MICAL2: variants seen among roughly 807,000 people sequenced by gnomAD.
MICAL2 encodes the protein microtubule associated monooxygenase, calponin and LIM domain containing 2.
A neutral mutation model predicts 127.3 loss-of-function variants in MICAL2; 77 were observed. The observed-to-expected ratio is 0.60, with a 90% confidence interval of 0.50 to 0.73. MICAL2 has a LOEUF of 0.73. Among genes scored for constraint, MICAL2 ranks in the 30% least tolerant of loss-of-function variants. The pLI is 0.00. For missense variants in MICAL2, 1,351 were observed against 1,434.4 expected, an observed-to-expected ratio of 0.94 and a Z score of 0.94; for synonymous variants, 570 against 551.1, an observed-to-expected ratio of 1.03 and a Z score of -0.48.
intron 22 of MICAL2, 140 bp downstream of exon 22, chr11:12,249,386 CAT>C (rs1188641873): frequency 1.6e-5 from 10 of 615,938 alleles, no homozygotes; most frequent in South Asian, 6.0e-5. Flanking sequence ...GGTGGGCAGA[CAT>C]GTGCTTGTAC....
In MICAL2 at chr11:12,332,260, G is replaced by A. The variant is rs151193230; in HGVS notation, c.5515+4994G>A. Among the ~76,000 whole-genome samples the A allele has an allele frequency of 2.0e-5, 3 of 152,310 alleles. No homozygotes were observed. The East Asian group carries it at 5.8e-4, about 29-fold the overall frequency. On this transcript the variant is annotated intron_variant, in intron 32 of 34. Coordinates refer to the MICAL2 transcript ENST00000646065. ...ACTTGAAGGCAGTGAGTTAAAGGTTGTACCCTTTCATCCATCATTAGACAT... is the reference window on the plus strand; with the variant it reads ...ACTTGAAGGCAGTGAGTTAAAGGTTATACCCTTTCATCCATCATTAGACAT...
intron 3 of MICAL2, among the ~76,000 whole-genome samples, chr11:12,200,261 G>A (rs901075065): frequency 1.3e-5 from 2 of 152,202 alleles, no homozygotes; most frequent in Admixed American, 1.3e-4. Flanking sequence ...CGGGGCAGGA[G>A]CTTAAAATCT....
intron 32 of MICAL2, among the ~76,000 whole-genome samples, chr11:12,344,890 C>T (rs920213992): frequency 1.4e-4 from 21 of 151,452 alleles, no homozygotes; most frequent in Non-Finnish European, 2.5e-4. Flanking sequence ...GGGCAGATCA[C>T]AAGGCAGGAT....
chr11:12,166,260 A>G (rs1473581181), intron 3 of MICAL2, among the ~76,000 whole-genome samples: 2 of 152,198 alleles, frequency 1.3e-5, no homozygotes, highest in East Asian at 3.8e-4. Context: ...AGCTGAAGAG[A>G]GTGGCATTAC....
At chr11:12,130,225 G>A (rs954205530) in intron 1 of MICAL2, among the ~76,000 whole-genome samples, 4 of 152,208 alleles carry the variant, frequency 2.6e-5, no homozygotes, top group Non-Finnish European at 4.4e-5. Flanking sequence ...GTAGCTTGAA[G>A]CATTTGCAGT....
intron 3 of MICAL2, among the ~76,000 whole-genome samples, chr11:12,199,630 C>T (rs968997390): frequency 6.6e-6 from 1 of 152,150 alleles, no homozygotes; most frequent in African/African-American, 2.4e-5. Context: ...TGCACCATGT[C>T]AAGAAGTGGG....
intron 32 of MICAL2, among the ~76,000 whole-genome samples, chr11:12,346,060 C>T (rs1229228107): frequency 3.3e-5 from 5 of 151,872 alleles, no homozygotes; most frequent in Non-Finnish European, 4.4e-5. Flanking sequence ...CAGTGGTTAG[C>T]GGCCAACCCA....
chr11:12,324,133 G>A, intron 31 of MICAL2: 3 of 1,564,652 alleles, frequency 1.9e-6, no homozygotes, highest in Non-Finnish European at 2.6e-6. Flanking sequence ...ACTCTGGATG[G>A]GAAAGAGTTT....
chr11:12,114,770 C>T (rs1367122800), intron 1 of MICAL2, among the ~76,000 whole-genome samples: 1 of 152,290 alleles, frequency 6.6e-6, no homozygotes, highest in Non-Finnish European at 1.5e-5. Context: ...TGGACGTTTC[C>T]TCAGCACGCG....
At chr11:12,292,415 C>A, downstream of MICAL2, 3 of 1,118,120 alleles carry the variant, frequency 2.7e-6, no homozygotes, top group Non-Finnish European at 3.9e-6. Context: ...AGTGCAAAGC[C>A]AGCGCCAGAA....
At chr11:12,306,677 C>T (rs1259425491) in intron 29 of MICAL2, among the ~76,000 whole-genome samples, 1 of 152,130 alleles carries the variant, frequency 6.6e-6, no homozygotes, top group African/African-American at 2.4e-5. Flanking sequence ...AATAGTGTCG[C>T]CTTTCCTAGA....
At chr11:12,304,623 G>A (rs907367997) in intron 29 of MICAL2, among the ~76,000 whole-genome samples, 6 of 148,934 alleles carry the variant, frequency 4.0e-5, no homozygotes, top group Non-Finnish European at 5.9e-5. Context: ...CAACAAGAGC[G>A]AAACTCTGTC....
intron 30 of MICAL2, among the ~76,000 whole-genome samples, chr11:12,320,807 G>C (rs180718991): frequency 2.3e-4 from 35 of 152,180 alleles, no homozygotes; most frequent in Non-Finnish European, 4.1e-4. Flanking sequence ...TGTGGGGAGG[G>C]GAGGAGAGAG....
At chr11:12,164,830 A>G (rs944462802) in intron 3 of MICAL2, among the ~76,000 whole-genome samples, 4 of 152,312 alleles carry the variant, frequency 2.6e-5, no homozygotes, top group Non-Finnish European at 4.4e-5. Context: ...GGAGTGTGAG[A>G]CAGATAATCA....
chr11:12,331,785 G>T (rs551672060), intron 32 of MICAL2, among the ~76,000 whole-genome samples: 3 of 152,298 alleles, frequency 2.0e-5, no homozygotes, highest in East Asian at 3.9e-4. Context: ...GTGAAATAAT[G>T]TTAGTAAAGC....
Position 12,256,878 on chromosome 11 carries a change from G to A in MICAL2, c.3049G>A (p.Ala1017Thr), listed in dbSNP as rs759571694. ...KRVYVMERLS[A>T]EGHFFHRECF... is the part of the protein sequence containing the mutation. Reference sequence around the variant, plus strand: ...TGTGTACGTGATGGAACGGCTGAGCGCCGAGGGCCACTTCTTCCACCGGGA... The same window carrying A: ...TGTGTACGTGATGGAACGGCTGAGCACCGAGGGCCACTTCTTCCACCGGGA... Residue 1017 changes from alanine (A) to threonine (T), a missense_variant, in exon 24 of 28, where the codon GCC becomes ACC. By Grantham distance (58) the Ala-to-Thr change is moderately conservative. Around this residue, in one of 2 missense-constraint regions of MICAL2, gnomAD observed 752 missense variants for 719.4 expected, o/e 1.05. Transcript: ENST00000683283. The A allele has an allele frequency of 2.6e-5, 42 of 1,614,068 alleles. No individual in the cohort carries two copies. Among genetic ancestry groups the A allele is most frequent in the Non-Finnish European group, 3.1e-5 (37 of 1,180,036 alleles).
intron 3 of MICAL2, among the ~76,000 whole-genome samples, chr11:12,169,082 T>C (rs1173198640): frequency 6.6e-6 from 1 of 152,138 alleles, no homozygotes; most frequent in Non-Finnish European, 1.5e-5. Context: ...AAGTTTCTTT[T>C]CTCCACTCCC....
intron 32 of MICAL2, chr11:12,327,310 A>G (rs1864365282): frequency 6.7e-7 from 1 of 1,492,960 alleles, no homozygotes; most frequent in Non-Finnish European, 9.1e-7. Flanking sequence ...ATGGTCTGAG[A>G]ATAGTGCTAG....
chr11:12,172,375 G>A (rs1856374260), intron 3 of MICAL2, among the ~76,000 whole-genome samples: 1 of 152,204 alleles, frequency 6.6e-6, no homozygotes, highest in South Asian at 2.1e-4. Context: ...GGAGTGCAGG[G>A]TGTTCATCAG....
Sources: gnomAD v4.1 joint callset for allele counts (sites outside exome capture counted in the v4.1 genomes callset) on GRCh38, gnomAD v4.1.1 for gene constraint, gnomAD v4.1.1 regional missense constraint, MANE v1.5 for transcripts, NCBI Gene and HGNC (gene_info 2026-07-23, HGNC 2026-07-21) for gene names.